Variants in PDE10A observed in about 807,000 individuals in gnomAD.
PDE10A encodes phosphodiesterase 10A.
A neutral mutation model predicts 97.7 loss-of-function variants in PDE10A; 39 were observed. That is an observed-to-expected ratio of 0.40 (90% CI 0.31 to 0.52). The LOEUF (loss-of-function observed/expected upper bound fraction) is 0.52. Among genes scored for constraint, PDE10A ranks in the 20% least tolerant of loss-of-function variants. The pLI, the probability that PDE10A is intolerant of heterozygous loss-of-function variation, is 0.56. For synonymous variants in PDE10A, 371 were observed against 376.8 expected (o/e 0.98, Z 0.18); for missense variants, 731 against 1,047.8 (o/e 0.70, Z 4.17).
intron 2 of PDE10A, among the ~76,000 whole-genome samples, chr6:165,485,857 G>A (rs1039202163): frequency 2.6e-5 from 4 of 152,158 alleles, no homozygotes; most frequent in East Asian, 1.9e-4. Context: ...GCCTCCCAAA[G>A]TGCAGGGATT....
intron 1 of PDE10A, among the ~76,000 whole-genome samples, chr6:165,715,491 C>T (rs922367781): frequency 2.0e-5 from 3 of 152,000 alleles, no homozygotes; most frequent in East Asian, 1.9e-4. Context: ...TGTTTTGGGT[C>T]GGCGAAAAGA....
chr6:165,770,912 TC>T (rs1489255457), intron 1 of PDE10A, among the ~76,000 whole-genome samples: 2 of 152,086 alleles, frequency 1.3e-5, no homozygotes, highest in African/African-American at 2.4e-5. Context: ...CCGGCCATTG[TC>T]CCCCCATTCA....
chr6:165,538,538 T>A lies in PDE10A; in HGVS notation c.994+4902A>T, dbSNP rs573134903. 1.8e-4 allele frequency among the ~76,000 whole-genome samples: 28 copies of A among 152,264 alleles called. 1 individual carries two copies. The highest frequency in any genetic ancestry group is 6.5e-4 in the African/African-American group (27 of 41,578). The stretch of plus-strand genomic sequence containing the variant: ...TGAGGTTTTTAAGAAATTAATCCAC[T>A]TATTTTAAATATTATTCTACTACAA... On this transcript the variant is annotated intron_variant, in intron 2 of 21. Transcript: ENST00000539869.
upstream of PDE10A, among the ~76,000 whole-genome samples, chr6:165,667,927 A>T (rs1370027911): frequency 6.6e-6 from 1 of 152,242 alleles, no homozygotes; most frequent in South Asian, 2.1e-4. Context: ...TGTTGCCATT[A>T]AAAAATACCA....
At chr6:165,373,262 C>T (rs1205899107) in intron 18 of PDE10A, among the ~76,000 whole-genome samples, 1 of 151,568 alleles carries the variant, frequency 6.6e-6, no homozygotes, top group Non-Finnish European at 1.5e-5. Flanking sequence ...TTCTGCACAG[C>T]AAAAGAAACT....
chr6:165,927,144 T>C (rs567665093), intron 1 of PDE10A, among the ~76,000 whole-genome samples: 3 of 152,178 alleles, frequency 2.0e-5, no homozygotes, highest in East Asian at 3.9e-4. Flanking sequence ...GGTTGATGCA[T>C]GCAGCAAACC....
intron 2 of PDE10A, among the ~76,000 whole-genome samples, chr6:165,483,056 G>T (rs1779698820): frequency 6.6e-6 from 1 of 152,208 alleles, no homozygotes; most frequent in African/African-American, 2.4e-5. Flanking sequence ...TGGTCCACCA[G>T]TTCTGAGTGT....
intron 1 of PDE10A, among the ~76,000 whole-genome samples, chr6:165,750,992 C>T (rs768676388): frequency 6.6e-6 from 1 of 152,176 alleles, no homozygotes; most frequent in East Asian, 1.9e-4. Context: ...CCCTAGTGTG[C>T]CTTCACCAAG....
At chr6:165,463,831 G>A (rs140687782) in intron 3 of PDE10A, among the ~76,000 whole-genome samples, 4,266 of 152,296 alleles carry the variant, frequency 0.028, 201 homozygotes, top group African/African-American at 0.094. Context: ...CGCCCAGGGC[G>A]GAAAACCACT....
intron 1 of PDE10A, among the ~76,000 whole-genome samples, chr6:165,657,792 G>T (rs1790039919): frequency 6.6e-6 from 1 of 152,202 alleles, no homozygotes; most frequent in Admixed American, 6.5e-5. Context: ...AGTTTAAACA[G>T]CTCTGCCCTT....
At chr6:165,837,083 A>C (rs1780082479) in intron 1 of PDE10A, among the ~76,000 whole-genome samples, 1 of 149,930 alleles carries the variant, frequency 6.7e-6, no homozygotes, top group African/African-American at 2.4e-5. Flanking sequence ...TAGCACTGGG[A>C]GATATACCTA....
At chr6:165,974,250 C>A (rs1784783541) in intron 1 of PDE10A, among the ~76,000 whole-genome samples, 1 of 152,218 alleles carries the variant, frequency 6.6e-6, no homozygotes. Flanking sequence ...CATGGGCCTT[C>A]TACACAAATA....
At chr6:165,793,804 T>C (rs141517103) in intron 1 of PDE10A, among the ~76,000 whole-genome samples, 1 of 152,368 alleles carries the variant, frequency 6.6e-6, no homozygotes, top group African/African-American at 2.4e-5. Context: ...CAAAGATTTC[T>C]GCATCAAAAT....
Position 165,341,476 on chromosome 6 carries a change from A to C in PDE10A, c.2895+1915T>G, listed in dbSNP as rs190664917. On this transcript the variant is annotated intron_variant, in intron 19 of 21. Coordinates refer to ENST00000539869, the MANE Select transcript of PDE10A (RefSeq NM_001385079.1). ...CTTTCTCATAGCAATCCTGTACCTG[A>C]ACAAAACGTGCATTTTTAGTATGAG... 5.8e-3 allele frequency among the ~76,000 whole-genome samples: 883 copies of C among 152,290 alleles called. 12 individuals carry two copies. Among genetic ancestry groups the C allele is most frequent in the African/African-American group, 0.02 (822 of 41,558 alleles).
At chr6:165,496,368 G>C (rs1026066351) in intron 2 of PDE10A, among the ~76,000 whole-genome samples, 6 of 152,150 alleles carry the variant, frequency 3.9e-5, no homozygotes, top group Non-Finnish European at 8.8e-5. Context: ...AAGGAAGACA[G>C]GTTTGGAGTC....
chr6:165,872,995 C>T (rs1385115345), intron 1 of PDE10A, among the ~76,000 whole-genome samples: 6 of 152,190 alleles, frequency 3.9e-5, no homozygotes, highest in African/African-American at 1.2e-4. Flanking sequence ...CTGAGGGTAA[C>T]GCCGATGTGG....
intron 1 of PDE10A, among the ~76,000 whole-genome samples, chr6:165,958,090 G>A (rs188981344): frequency 6.6e-6 from 1 of 152,242 alleles, no homozygotes; most frequent in East Asian, 1.9e-4. Context: ...TCACACAGAC[G>A]GTCTCCCACT....
At chr6:165,496,795 A>G (rs912235040) in intron 2 of PDE10A, among the ~76,000 whole-genome samples, 23 of 152,254 alleles carry the variant, frequency 1.5e-4, no homozygotes, top group African/African-American at 5.5e-4. Flanking sequence ...CTAAAATGCT[A>G]GAAATCGCTA....
chr6:165,485,200 G>A lies in PDE10A; in HGVS notation c.995-2857C>T, dbSNP rs6939129. Among the ~76,000 whole-genome samples, 516 of 152,174 alleles carry A rather than the reference G, an allele frequency of 3.4e-3. 3 individuals are homozygous for A. The highest frequency in any genetic ancestry group is 0.012 in the African/African-American group (498 of 41,532). ...TTAAAAGACAAGCCTGGCTGGACGC[G>A]GTGGCTCACGCCTGTAATCCTAGCA... On this transcript the variant is annotated intron_variant, in intron 2 of 21. Coordinates refer to ENST00000539869, the MANE Select transcript of PDE10A (RefSeq NM_001385079.1).
Sources: allele counts gnomAD v4.1 joint callset (sites outside exome capture counted in the v4.1 genomes callset), GRCh38; gene constraint gnomAD v4.1.1; transcripts MANE v1.5; gene names NCBI Gene and HGNC (gene_info 2026-07-23, HGNC 2026-07-21).